RALGAPA1: variants seen among roughly 807,000 people sequenced by gnomAD.
The protein encoded by RALGAPA1 is Ral GTPase activating protein catalytic subunit alpha 1, also known as ral GTPase-activating protein subunit alpha-1.
Under a neutral mutation model 269.6 loss-of-function variants are expected in RALGAPA1, and 52 were observed. That is an observed-to-expected ratio of 0.19 (90% CI 0.15 to 0.24). RALGAPA1 has a LOEUF of 0.24. Among genes scored for constraint, RALGAPA1 ranks in the 10% least tolerant of loss-of-function variants. The pLI, the probability that RALGAPA1 is intolerant of heterozygous loss-of-function variation, is 1.00. For synonymous variants in RALGAPA1, 817 were observed against 1,008.3 expected (o/e 0.81, Z 3.60); for missense variants, 1,917 against 3,013.9 (o/e 0.64, Z 8.52).
At chr14:35,650,094 G>A (rs1431580247) in intron 31 of RALGAPA1, among the ~76,000 whole-genome samples, 4 of 152,150 alleles carry the variant, frequency 2.6e-5, no homozygotes, top group African/African-American at 7.2e-5. Flanking sequence ...AATGGAGGCC[G>A]GATGAGGTAG....
chr14:35,613,530 C>T (rs979673191), intron 35 of RALGAPA1, among the ~76,000 whole-genome samples: 1 of 152,204 alleles, frequency 6.6e-6, no homozygotes. Flanking sequence ...AAGGCATAGA[C>T]AGGGCCATGC....
intron 24 of RALGAPA1, among the ~76,000 whole-genome samples, chr14:35,673,809 T>C (rs778551321): frequency 2.0e-4 from 31 of 152,124 alleles, no homozygotes; most frequent in African/African-American, 7.5e-4. Flanking sequence ...CTCAAACTCC[T>C]GACCTCATGT....
At chr14:35,648,964 A>G (rs2062641124) in intron 31 of RALGAPA1, among the ~76,000 whole-genome samples, 1 of 152,120 alleles carries the variant, frequency 6.6e-6, no homozygotes, top group South Asian at 2.1e-4. Flanking sequence ...CTTAACTGTT[A>G]TTCTTTAATG....
At chr14:35,650,090 G>A (rs2062711216) in intron 31 of RALGAPA1, among the ~76,000 whole-genome samples, 1 of 152,136 alleles carries the variant, frequency 6.6e-6, no homozygotes, top group Admixed American at 6.5e-5. Flanking sequence ...TAAAAATGGA[G>A]GCCGGATGAG....
intron 1 of RALGAPA1, among the ~76,000 whole-genome samples, chr14:35,794,330 A>C (rs1013643859): frequency 2.6e-5 from 4 of 152,042 alleles, no homozygotes; most frequent in Non-Finnish European, 4.4e-5. Context: ...TATTTTATAT[A>C]TATCTATATA....
At position 35,726,075 on chromosome 14, in the gene RALGAPA1, G is replaced by C. The variant is rs148674812; in HGVS notation, c.1737-922C>G. On this transcript the variant is annotated intron_variant, in intron 13 of 41. Transcript: ENST00000680220. ...TGTATCAGCCCAATTCTCTATCACAGCCTCCTCCCCTCTGGTTATTTTGCA... is the reference window on the plus strand; with the variant it reads ...TGTATCAGCCCAATTCTCTATCACACCCTCCTCCCCTCTGGTTATTTTGCA... Among the ~76,000 whole-genome samples, 26 of 152,176 alleles carry C rather than the reference G, an allele frequency of 1.7e-4. 1 individual carries two copies. In the East Asian group the frequency reaches 4.1e-3, roughly 24 times the overall value.
At chr14:35,593,966 T>C (rs573046792) in intron 37 of RALGAPA1, among the ~76,000 whole-genome samples, 1 of 151,582 alleles carries the variant, frequency 6.6e-6, no homozygotes, top group South Asian at 2.1e-4. Context: ...AAAACAGAGA[T>C]CCCAGAAATA....
chr14:35,792,686 G>C (rs2076260264), intron 1 of RALGAPA1, among the ~76,000 whole-genome samples: 1 of 150,420 alleles, frequency 6.6e-6, no homozygotes, highest in South Asian at 2.1e-4. Flanking sequence ...AGGAGGCTGA[G>C]ACATAAGAAT....
intron 1 of RALGAPA1, among the ~76,000 whole-genome samples, chr14:35,787,729 C>A (rs1567230338): frequency 6.6e-6 from 1 of 151,144 alleles, no homozygotes; most frequent in Non-Finnish European, 1.5e-5. Flanking sequence ...GTACATGTCA[C>A]CACACCCAGC....
chr14:35,659,999 C>T (rs567334342), intron 27 of RALGAPA1, among the ~76,000 whole-genome samples: 9 of 152,006 alleles, frequency 5.9e-5, no homozygotes, highest in African/African-American at 2.2e-4. Context: ...GATAAAAACT[C>T]AACAAATGAG....
chr14:35,563,672 T>C (rs1039816362), intron 39 of RALGAPA1, among the ~76,000 whole-genome samples: 5 of 152,216 alleles, frequency 3.3e-5, no homozygotes, highest in African/African-American at 1.2e-4. Context: ...ATACTCATCA[T>C]AAATTGAAAA....
chr14:35,756,759 T>C (rs961404870), intron 7 of RALGAPA1, 34 bp downstream of exon 7: 22 of 1,390,002 alleles, frequency 1.6e-5, no homozygotes, highest in Non-Finnish European at 2.0e-5. Flanking sequence ...CATAGGATAG[T>C]AAGGAGTGTG....
intron 16 of RALGAPA1, 23 bp from the exon 17 acceptor site, chr14:35,700,325 AGTGGG>A: frequency 2.0e-6 from 3 of 1,494,186 alleles, no homozygotes; most frequent in Admixed American, 4.9e-5. Context: ...AAAAGAAAGA[AGTGGG>A]GAAGGAAAAA....
At chr14:35,546,941 T>C (rs59891257) in intron 41 of RALGAPA1, among the ~76,000 whole-genome samples, 3,756 of 152,276 alleles carry the variant, frequency 0.025, 147 homozygotes, top group South Asian at 0.15. Context: ...AAATATTTCA[T>C]TTTTATTTTG....
chr14:35,730,639 T>C (rs2070389599), intron 12 of RALGAPA1, among the ~76,000 whole-genome samples: 2 of 149,080 alleles, frequency 1.3e-5, no homozygotes, highest in African/African-American at 2.4e-5. Context: ...ACAACCTGCA[T>C]AACTCAGCAG....
chr14:35,738,555 G>A lies in RALGAPA1; in HGVS notation c.1545C>T (p.Ala515=). 6.2e-7 allele frequency: 1 copy of A among 1,612,670 alleles called. No individual in the cohort carries two copies. The highest frequency in any genetic ancestry group is 1.1e-5 in the South Asian group (1 of 90,808). Reference sequence around the variant, plus strand: ...TACCAGCTCGTATGTTTTGTTCTGTGGCTTCTTCAGAGGCGTTATGAAGAG... The same window carrying A: ...TACCAGCTCGTATGTTTTGTTCTGTAGCTTCTTCAGAGGCGTTATGAAGAG... The part of the protein sequence containing the change: ...QGALHNASEE[A]TEQNIRAGTQ... Residue 515 remains alanine, a synonymous_variant, in exon 12 of 42, where the codon GCC becomes GCT. Coordinates refer to ENST00000680220, the MANE Select transcript of RALGAPA1 (RefSeq NM_001346249.2).
chr14:35,806,376 A>T (rs1200595577), intron 1 of RALGAPA1, among the ~76,000 whole-genome samples: 1 of 152,212 alleles, frequency 6.6e-6, no homozygotes, highest in Non-Finnish European at 1.5e-5. Flanking sequence ...AAAGGATAAC[A>T]GCTTTAGAAA....
chr14:35,540,617 T>C (rs1430585535), intron 41 of RALGAPA1, among the ~76,000 whole-genome samples: 1 of 152,024 alleles, frequency 6.6e-6, no homozygotes, highest in East Asian at 1.9e-4. Flanking sequence ...ACAAAATGAG[T>C]AATTAATTAA....
intron 1 of RALGAPA1, among the ~76,000 whole-genome samples, chr14:35,800,947 G>A (rs1567261602): frequency 6.6e-6 from 1 of 152,000 alleles, no homozygotes. Context: ...GGAGGTTGCA[G>A]TGAGGCAAGA....
Sources: gnomAD v4.1 joint callset for allele counts (sites outside exome capture counted in the v4.1 genomes callset) on GRCh38, gnomAD v4.1.1 for gene constraint, MANE v1.5 for transcripts, NCBI Gene and HGNC (gene_info 2026-07-23, HGNC 2026-07-21) for gene names.